MAP4K5: variants seen among roughly 807,000 people sequenced by gnomAD.
MAP4K5 encodes MAPK/ERK kinase kinase kinase 5.
In MAP4K5, 82 loss-of-function variants were observed where a neutral mutation model predicts 135.6. The observed-to-expected ratio is 0.60, with a 90% confidence interval of 0.51 to 0.73. The LOEUF (loss-of-function observed/expected upper bound fraction) is 0.73. MAP4K5 is among the 30% of genes least tolerant of loss of function. MAP4K5 has a pLI of 0.00. For synonymous variants in MAP4K5, 347 were observed against 335.0 expected (o/e 1.04, Z -0.39); for missense variants, 907 against 1,010.9 (o/e 0.90, Z 1.39).
chr14:50,448,368 G>C (rs2036405559), intron 15 of MAP4K5, among the ~76,000 whole-genome samples: 1 of 151,574 alleles, frequency 6.6e-6, no homozygotes, highest in Non-Finnish European at 1.5e-5. Context: ...ATTCAAAATA[G>C]CAGCAATGGT....
intron 32 of MAP4K5, among the ~76,000 whole-genome samples, chr14:50,422,575 TA>T (rs965980711): frequency 2.7e-4 from 39 of 142,246 alleles, no homozygotes; most frequent in Admixed American, 4.9e-4. Flanking sequence ...GAGACCGTCT[TA>T]AAAAAAAAAA....
chr14:50,443,828 G>A, intron 19 of MAP4K5, 58 bp from the exon 20 acceptor site: 2 of 1,518,896 alleles, frequency 1.3e-6, no homozygotes, highest in Non-Finnish European at 9.0e-7. Flanking sequence ...AAAGAAACTT[G>A]AGACATTTAG....
intron 3 of MAP4K5, among the ~76,000 whole-genome samples, chr14:50,499,304 C>G (rs1015442206): frequency 3.3e-5 from 5 of 152,046 alleles, no homozygotes; most frequent in African/African-American, 4.8e-5. Flanking sequence ...GGGGGGAAAG[C>G]TGTGTAAAAA....
chr14:50,434,138 T>G (rs909075776), intron 28 of MAP4K5, among the ~76,000 whole-genome samples: 1 of 152,174 alleles, frequency 6.6e-6, no homozygotes, highest in African/African-American at 2.4e-5. Context: ...AGTCCAAAGA[T>G]TCACTGGTAA....
rs1373525472 is a variant in MAP4K5, at chr14:50,464,171, C to T, written c.738-38G>A. The T allele has an allele frequency of 2.1e-5, 21 of 999,448 alleles. 1 individual carries two copies. Among genetic ancestry groups the T allele is most frequent in the African/African-American group, 1.5e-4 (9 of 61,750 alleles). The allele number at this position is 999,448 out of a possible 1,614,324, so 61.9% of individuals were successfully genotyped here. ...AGAGACGTACAAAAATATTTCACTA[C>T]TATTACGTTTCGGTGTTAGTAAATA... is the stretch of plus-strand genomic sequence containing the variant. On this transcript the variant is annotated intron_variant, in intron 11 of 32. Coordinates refer to ENST00000682126, the MANE Select transcript of MAP4K5 (RefSeq NM_006575.6).
upstream of MAP4K5, among the ~76,000 whole-genome samples, chr14:50,536,880 A>T (rs1274790572): frequency 6.6e-6 from 1 of 152,252 alleles, no homozygotes; most frequent in African/African-American, 2.4e-5. Flanking sequence ...ATTCAGTCTT[A>T]TAAGGGAAGC....
intron 2 of MAP4K5, among the ~76,000 whole-genome samples, chr14:50,525,657 G>A (rs1049113649): frequency 1.2e-4 from 18 of 152,008 alleles, no homozygotes; most frequent in Admixed American, 6.6e-5. Flanking sequence ...GCAACATGGC[G>A]AAACCCCACC....
intron 3 of MAP4K5, among the ~76,000 whole-genome samples, chr14:50,498,775 C>T (rs1013254546): frequency 1.3e-5 from 2 of 152,122 alleles, no homozygotes; most frequent in African/African-American, 4.8e-5. Flanking sequence ...TATTACCAGA[C>T]ATAAGTTTTT....
intron 3 of MAP4K5, among the ~76,000 whole-genome samples, chr14:50,492,495 G>C (rs117365068): frequency 1.3e-5 from 2 of 151,770 alleles, no homozygotes; most frequent in East Asian, 3.9e-4. Flanking sequence ...TCAGGAGGCT[G>C]AGCTGGGAGG....
chr14:50,502,419 T>A lies in MAP4K5; in HGVS notation c.166+2381A>T, dbSNP rs532707168. Among the ~76,000 whole-genome samples the A allele has an allele frequency of 4.6e-5, 7 of 152,140 alleles. No individual in the cohort carries two copies. The East Asian group carries it at 9.6e-4, about 21-fold the overall frequency. On this transcript the variant is annotated intron_variant, in intron 3 of 32. Transcript: ENST00000682126. ...AATAAAATCAATGGCGAAGTAAATATCTATAATAACCAATTAGACAGTGTA... is the reference window on the plus strand; with the variant it reads ...AATAAAATCAATGGCGAAGTAAATAACTATAATAACCAATTAGACAGTGTA...
chr14:50,437,789 C>A, intron 25 of MAP4K5, 105 bp downstream of exon 25: 1 of 795,930 alleles, frequency 1.3e-6, no homozygotes, highest in South Asian at 1.7e-5. Flanking sequence ...TTTAAACTAC[C>A]TTTGAAAATT....
At chr14:50,421,911 AG>A (rs973109089) in intron 32 of MAP4K5, among the ~76,000 whole-genome samples, 20 of 131,432 alleles carry the variant, frequency 1.5e-4, no homozygotes, top group African/African-American at 5.5e-4. Context: ...TTTTTTTTTT[AG>A]ACAGAGTCTT....
chr14:50,475,409 A>T lies in MAP4K5; in HGVS notation c.470-260T>A, dbSNP rs543546480. Among the ~76,000 whole-genome samples the T allele has an allele frequency of 5.3e-5, 8 of 152,216 alleles. No homozygotes were observed. The South Asian group carries it at 1.7e-3, about 32-fold the overall frequency. Reference sequence around the variant, plus strand: ...TTTTTATTATATACACAATGAAGTTAATTTGGGAAAAAGAGAAAAAAAAAA... The same window carrying T: ...TTTTTATTATATACACAATGAAGTTTATTTGGGAAAAAGAGAAAAAAAAAA... On this transcript the variant is annotated intron_variant, in intron 8 of 32. Coordinates refer to ENST00000682126, the MANE Select transcript of MAP4K5 (RefSeq NM_006575.6).
chr14:50,499,935 G>A (rs1489627474), intron 3 of MAP4K5, among the ~76,000 whole-genome samples: 1 of 152,098 alleles, frequency 6.6e-6, no homozygotes, highest in Non-Finnish European at 1.5e-5. Context: ...TCTACCAGGG[G>A]AAAAATATCA....
In MAP4K5 at chr14:50,429,044, T is replaced by A. The variant is rs566760773; in HGVS notation, c.2233+148A>T. 27 of 584,480 alleles carry A rather than the reference T, an allele frequency of 4.6e-5. No homozygotes were observed. In the South Asian group the frequency reaches 7.1e-4, roughly 15 times the overall value. The allele number at this position is 584,480 out of a possible 1,614,324, so 36.2% of individuals were successfully genotyped here. A position where few individuals can be genotyped will look rare whatever the true frequency, so the allele number is the denominator to read the frequency against. ...ACCTCGGTGCTCAACTATTTAGCCATAAGAGGTGATTTTTTTCGCTTACAA... is the reference window on the plus strand; with the variant it reads ...ACCTCGGTGCTCAACTATTTAGCCAAAAGAGGTGATTTTTTTCGCTTACAA... On this transcript the variant is annotated intron_variant, in intron 29 of 32. Transcript: ENST00000682126.
At chr14:50,533,324 A>G (rs1271084183), upstream of MAP4K5, 4 of 152,002 alleles carry the variant, frequency 2.6e-5, no homozygotes, top group African/African-American at 2.4e-5. Flanking sequence ...ACAAAACAGC[A>G]TATTTGGCAA....
chr14:50,525,143 ATCCCCAGTCCAGAAC>A (rs1166202430), intron 2 of MAP4K5, among the ~76,000 whole-genome samples: 1 of 152,196 alleles, frequency 6.6e-6, no homozygotes, highest in East Asian at 1.9e-4. Flanking sequence ...CCAAACCTGT[ATCCCCAGTCCAGAAC>A]TCTCAAGGCC....
At chr14:50,493,328 A>T (rs1226380001) in intron 3 of MAP4K5, among the ~76,000 whole-genome samples, 1 of 152,132 alleles carries the variant, frequency 6.6e-6, no homozygotes, top group East Asian at 1.9e-4. Flanking sequence ...TGACACCATG[A>T]GCATTTTGAT....
intron 29 of MAP4K5, 31 bp downstream of exon 29, chr14:50,429,161 T>C (rs371689443): frequency 8.0e-7 from 1 of 1,249,036 alleles, no homozygotes; most frequent in Non-Finnish European, 1.1e-6. Context: ...TCAAGTAGTA[T>C]ACTCAAAATA....
Sources: allele counts gnomAD v4.1 joint callset (sites outside exome capture counted in the v4.1 genomes callset), GRCh38; gene constraint gnomAD v4.1.1; transcripts MANE v1.5; gene names NCBI Gene and HGNC (gene_info 2026-07-23, HGNC 2026-07-21).